Variants in CHCHD6 observed in about 807,000 individuals in gnomAD.
CHCHD6 encodes the protein coiled-coil-helix-coiled-coil-helix domain containing 6.
Under a neutral mutation model 32.3 loss-of-function variants are expected in CHCHD6, and 28 were observed. That is an observed-to-expected ratio of 0.87 (90% CI 0.64 to 1.19). The LOEUF is 1.19. Ranked by LOEUF, CHCHD6 falls within the 50% of genes most tolerant of loss-of-function variation. CHCHD6 has a pLI of 0.00. For missense variants in CHCHD6, 333 were observed against 307.0 expected, an observed-to-expected ratio of 1.08 and a Z score of -0.63; for synonymous variants, 122 against 117.5, an observed-to-expected ratio of 1.04 and a Z score of -0.25.
At chr3:126,865,700 T>G (rs1473631664) in intron 5 of CHCHD6, 2 of 985,262 alleles carry the variant, frequency 2.0e-6, no homozygotes, top group Non-Finnish European at 2.4e-6. Context: ...CCACCACATA[T>G]TACCCTCTTC....
chr3:126,929,716 C>G (rs2078376753), intron 6 of CHCHD6, among the ~76,000 whole-genome samples: 1 of 152,128 alleles, frequency 6.6e-6, no homozygotes, highest in Non-Finnish European at 1.5e-5. Flanking sequence ...CAGGCGCCCA[C>G]CACCATGCCT....
chr3:126,862,663 C>CCT (rs1941977150), intron 5 of CHCHD6, among the ~76,000 whole-genome samples: 1 of 79,150 alleles, frequency 1.3e-5, no homozygotes, highest in Non-Finnish European at 2.4e-5. Context: ...CACCACCTCC[C>CCT]CCTCCTCCAC....
At chr3:126,946,851 C>A (rs1404790875) in intron 6 of CHCHD6, among the ~76,000 whole-genome samples, 2 of 152,206 alleles carry the variant, frequency 1.3e-5, no homozygotes, top group African/African-American at 4.8e-5. Context: ...TATTCACCCC[C>A]CTGCTGATGT....
chr3:126,807,137 A>C (rs1207634998), intron 4 of CHCHD6, among the ~76,000 whole-genome samples: 1 of 151,598 alleles, frequency 6.6e-6, no homozygotes, highest in East Asian at 1.9e-4. Context: ...AGCATGGCAC[A>C]TGTATACATA....
chr3:126,891,931 G>C (rs2077766547), intron 5 of CHCHD6, among the ~76,000 whole-genome samples: 1 of 152,184 alleles, frequency 6.6e-6, no homozygotes, highest in South Asian at 2.1e-4. Context: ...TGAAATCTAA[G>C]CCACTGGCAT....
chr3:126,919,580 C>A (rs912961247), intron 6 of CHCHD6, among the ~76,000 whole-genome samples: 1 of 148,144 alleles, frequency 6.8e-6, no homozygotes, highest in Non-Finnish European at 1.5e-5. Context: ...TCTGAAATTG[C>A]TGGGATTATA....
intron 4 of CHCHD6, among the ~76,000 whole-genome samples, chr3:126,765,590 G>T (rs10934791): frequency 0.012 from 1,815 of 152,342 alleles, 20 homozygotes; most frequent in Middle Eastern, 0.048. Context: ...GGAGACCAAA[G>T]CACAAGGTGA....
intron 4 of CHCHD6, among the ~76,000 whole-genome samples, chr3:126,763,288 C>T (rs1263688708): frequency 7.3e-6 from 1 of 137,740 alleles, no homozygotes; most frequent in Non-Finnish European, 1.5e-5. Flanking sequence ...TTTCCCTCTT[C>T]TCCCTTTTTC....
At chr3:126,767,368 G>C in intron 4 of CHCHD6, 1 of 801,182 alleles carries the variant, frequency 1.2e-6, no homozygotes, top group South Asian at 1.3e-5. Context: ...CTGCAGACAT[G>C]ATCACTTCGT....
rs1022117005 is a variant in CHCHD6, at chr3:126,936,949, C to T, written c.567-20467C>T. The stretch of plus-strand genomic sequence containing the variant: ...GGACAGAACTATTGGTCCCTTCCCT[C>T]CTTCACCCTGGCCTGCTGCCTCCCA... On this transcript the variant is annotated intron_variant, in intron 6 of 7. Transcript: ENST00000290913. 2.0e-5 allele frequency among the ~76,000 whole-genome samples: 3 copies of T among 152,336 alleles called. No individual in the cohort carries two copies. In the South Asian group the frequency reaches 6.2e-4, roughly 32 times the overall value.
intron 5 of CHCHD6, among the ~76,000 whole-genome samples, chr3:126,882,890 C>G (rs1444546138): frequency 6.6e-6 from 1 of 152,190 alleles, no homozygotes; most frequent in African/African-American, 2.4e-5. Flanking sequence ...CTGTGAATGA[C>G]TGACAGCTGG....
intron 6 of CHCHD6, among the ~76,000 whole-genome samples, chr3:126,947,166 C>T (rs1439904110): frequency 6.6e-6 from 1 of 152,230 alleles, no homozygotes; most frequent in Non-Finnish European, 1.5e-5. Flanking sequence ...ATGTGTGCGC[C>T]CAAGATGGGA....
At chr3:126,748,233 T>C (rs1404750294) in intron 4 of CHCHD6, among the ~76,000 whole-genome samples, 2 of 152,160 alleles carry the variant, frequency 1.3e-5, no homozygotes, top group Non-Finnish European at 2.9e-5. Flanking sequence ...CCATAGAGTG[T>C]CTTGGAATCA....
intron 6 of CHCHD6, among the ~76,000 whole-genome samples, chr3:126,954,803 G>A (rs778099866): frequency 2.6e-5 from 4 of 152,230 alleles, no homozygotes; most frequent in Non-Finnish European, 5.9e-5. Context: ...AGGAGGAACA[G>A]AAGACACAGC....
chr3:126,927,467 G>T (rs1183313486), intron 6 of CHCHD6, among the ~76,000 whole-genome samples: 2 of 152,214 alleles, frequency 1.3e-5, no homozygotes, highest in African/African-American at 2.4e-5. Flanking sequence ...GCAGCTGCAG[G>T]CTTAAGGGGA....
intron 4 of CHCHD6, among the ~76,000 whole-genome samples, chr3:126,797,972 A>T (rs1393571276): frequency 2.0e-5 from 3 of 152,092 alleles, no homozygotes. Flanking sequence ...ATCTCCCCCA[A>T]CTGTGCCGTT....
chr3:126,792,453 T>C (rs1559846771), intron 4 of CHCHD6, among the ~76,000 whole-genome samples: 1 of 152,104 alleles, frequency 6.6e-6, no homozygotes. Context: ...TGTTATTTTA[T>C]TTTCATTCAG....
At chr3:126,787,631 G>A (rs1938287212) in intron 4 of CHCHD6, among the ~76,000 whole-genome samples, 1 of 152,096 alleles carries the variant, frequency 6.6e-6, no homozygotes, top group Non-Finnish European at 1.5e-5. Flanking sequence ...CTGTTTGTCT[G>A]TTATTGGTGT....
intron 4 of CHCHD6, among the ~76,000 whole-genome samples, chr3:126,760,067 A>C (rs1051171931): frequency 6.6e-6 from 1 of 152,218 alleles, no homozygotes; most frequent in African/African-American, 2.4e-5. Flanking sequence ...TGGTGAGGAC[A>C]GCACCAAGCC....
Sources: gnomAD v4.1 joint callset for allele counts (sites outside exome capture counted in the v4.1 genomes callset) on GRCh38, gnomAD v4.1.1 for gene constraint, MANE v1.5 for transcripts, NCBI Gene and HGNC (gene_info 2026-07-23, HGNC 2026-07-21) for gene names.